C17orf107: variants seen among roughly 807,000 people sequenced by gnomAD.
The protein encoded by C17orf107 is chromosome 17 open reading frame 107, also known as uncharacterized protein C17orf107.
In C17orf107, 9 loss-of-function variants were observed where a neutral mutation model predicts 8.9. That is an observed-to-expected ratio of 1.02 (90% CI 0.61 to 1.77). The LOEUF is 1.77. Ranked by LOEUF, C17orf107 falls within the 40% of genes most tolerant of loss-of-function variation. The pLI is 0.00. For synonymous variants in C17orf107, 139 were observed against 120.3 expected, an observed-to-expected ratio of 1.16 and a Z score of -1.02; for missense variants, 281 against 249.0, an observed-to-expected ratio of 1.13 and a Z score of -0.86.
Position 4,901,235 on chromosome 17 carries a change from C to G in C17orf107, c.*702C>G. 1.9e-6 allele frequency: 3 copies of G among 1,585,268 alleles called. No homozygotes were observed. The highest frequency in any genetic ancestry group is 2.6e-6 in the Non-Finnish European group (3 of 1,169,158). On this transcript the variant is annotated 3_prime_UTR_variant, in exon 3 of 3. Transcript: ENST00000381365. ...TCAGCTGGCTGTCAGAGCGGGGCGC[C>G]CGCCGAGCTGACAGCGGGCTGAAGA... is the stretch of plus-strand genomic sequence containing the variant.
chr17:4,899,627 T>C lies in C17orf107; in HGVS notation c.-136T>C, dbSNP rs1969888486. The C allele has an allele frequency of 6.7e-7, 1 of 1,493,420 alleles. No homozygotes were observed. Among genetic ancestry groups the C allele is most frequent in the Non-Finnish European group, 9.1e-7 (1 of 1,093,982 alleles). The allele number at this position is 1,493,420 out of a possible 1,614,324, so 92.5% of individuals were successfully genotyped here. ...TGACATCACCGTTCCTCCTCCCAGC[T>C]ACCGAAGGCGCCGCGCGCTGACCTC... On this transcript the variant is annotated 5_prime_UTR_variant, in exon 1 of 3. Transcript: ENST00000381365.
chr17:4,900,909 T>C lies in C17orf107; in HGVS notation c.*376T>C, dbSNP rs1320610655. On this transcript the variant is annotated 3_prime_UTR_variant, in exon 3 of 3. Transcript: ENST00000381365. ...AGACCGTGCATTTCTGGCCGCCGGC[T>C]GGAGGGAGAGCCAGTGAGAGCGGGC... 13 of 1,613,942 alleles carry C rather than the reference T, an allele frequency of 8.1e-6. No individual in the cohort carries two copies. The highest frequency in any genetic ancestry group is 1.3e-5 in the African/African-American group (1 of 74,912).
In C17orf107 at chr17:4,901,868, G is replaced by T; in HGVS notation, c.*1335G>T. 1.3e-6 allele frequency: 2 copies of T among 1,556,916 alleles called. No homozygotes were observed. The highest frequency in any genetic ancestry group is 1.8e-6 in the Non-Finnish European group (2 of 1,133,696). ...GCCCCGAGGGCGGTGCTTCCCGGTT[G>T]GCCCCGCCCCATAAGGCCCCCCCCC... On this transcript the variant is annotated 3_prime_UTR_variant, in exon 3 of 3. Coordinates refer to ENST00000381365, the MANE Select transcript of C17orf107 (RefSeq NM_001145536.2).
rs759226183 is a variant in C17orf107, at chr17:4,900,998, G to C, written c.*465G>C. 5 of 1,613,774 alleles carry C rather than the reference G, an allele frequency of 3.1e-6. No individual in the cohort carries two copies. Among genetic ancestry groups the C allele is most frequent in the Non-Finnish European group, 4.2e-6 (5 of 1,179,820 alleles). ...TCGGGGCCACTGCTTACCCTGCGCC[G>C]GCAGGAAGTAGGCGAGCAGCACCAG... On this transcript the variant is annotated 3_prime_UTR_variant, in exon 3 of 3. Transcript: ENST00000381365.
Position 4,900,135 on chromosome 17 carries a change from C to G in C17orf107, c.266C>G (p.Thr89Ser). Residue 89 changes from threonine (T) to serine (S), a missense_variant, in exon 2 of 3, where the codon ACC (threonine) becomes AGC (serine). Transcript: ENST00000381365. The stretch of plus-strand genomic sequence containing the variant: ...GCCAGCCTCGTGAGCTTCGGCACCA[C>G]CTTGTTAGAGGTGGGGTACTGGGGG... Reference protein sequence around the residue: ...ATASLVSFGTTLLEISALWLQ... With the variant: ...ATASLVSFGTSLLEISALWLQ... 1 of 1,550,280 alleles carries G rather than the reference C, an allele frequency of 6.5e-7. No individual in the cohort carries two copies. Among genetic ancestry groups the G allele is most frequent in the Non-Finnish European group, 8.7e-7 (1 of 1,146,776 alleles).
In C17orf107 at chr17:4,902,162, C is replaced by G; in HGVS notation, c.*1629C>G. On this transcript the variant is annotated 3_prime_UTR_variant, in exon 3 of 3. Transcript: ENST00000381365. This position sits in a 1 kb window ranked among gnomAD's most constrained non-coding sequence, Gnocchi z 4.0. ...GAGTACCCCCTTCCCCAACCAAGTC[C>G]AGCCCGCACCCCAGGCCGGCTTCCC... 1 of 1,613,842 alleles carries G rather than the reference C, an allele frequency of 6.2e-7. No homozygotes were observed. The highest frequency in any genetic ancestry group is 8.5e-7 in the Non-Finnish European group (1 of 1,179,764).
Position 4,901,694 on chromosome 17 carries a change from G to A in C17orf107, c.*1161G>A. 1.4e-6 allele frequency: 2 copies of A among 1,478,636 alleles called. No individual in the cohort carries two copies. The highest frequency in any genetic ancestry group is 9.4e-7 in the Non-Finnish European group (1 of 1,062,926). 91.6% of individuals were successfully genotyped at this position (1,478,636 alleles called of 1,614,324 possible). On this transcript the variant is annotated 3_prime_UTR_variant, in exon 3 of 3. Transcript: ENST00000381365. Reference sequence around the variant, plus strand: ...GGGCCCCGGCCTCAGGCCCAGCCCTGGAAGCTGGGATCTAGCGGGGCCGCG... The same window carrying A: ...GGGCCCCGGCCTCAGGCCCAGCCCTAGAAGCTGGGATCTAGCGGGGCCGCG...
downstream of C17orf107, among the ~76,000 whole-genome samples, chr17:4,904,118 A>C (rs1970057385): frequency 6.6e-6 from 1 of 152,132 alleles, no homozygotes. Context: ...GGGCCTCCCA[A>C]AGTGCTGGGA....
Position 4,901,125 on chromosome 17 carries a change from C to T in C17orf107, c.*592C>T, listed in dbSNP as rs1969970796. 1.2e-6 allele frequency: 2 copies of T among 1,612,758 alleles called. No homozygotes were observed. Among genetic ancestry groups the T allele is most frequent in the Non-Finnish European group, 1.7e-6 (2 of 1,179,944 alleles). ...ATGACGTCAGTCTCCCCTGGGCCGT[C>T]GGTGGCGCCACCGTGGTGGCGGCGG... is the stretch of plus-strand genomic sequence containing the variant. On this transcript the variant is annotated 3_prime_UTR_variant, in exon 3 of 3. Coordinates refer to ENST00000381365, the MANE Select transcript of C17orf107 (RefSeq NM_001145536.2).
Position 4,900,149 on chromosome 17 carries a change from G to C in C17orf107, c.276+4G>C. 1 of 1,548,578 alleles carries C rather than the reference G, an allele frequency of 6.5e-7. No homozygotes were observed. Among genetic ancestry groups the C allele is most frequent in the Middle Eastern group, 1.7e-4 (1 of 5,980 alleles). On this transcript the variant is annotated splice_donor_region_variant and intron_variant, in intron 2 of 2. Transcript: ENST00000381365. Reference sequence around the variant, plus strand: ...CTTCGGCACCACCTTGTTAGAGGTGGGGTACTGGGGGGCTTAGGATACGCG... The same window carrying C: ...CTTCGGCACCACCTTGTTAGAGGTGCGGTACTGGGGGGCTTAGGATACGCG...
At position 4,900,456 on chromosome 17, in the gene C17orf107, T is replaced by C; in HGVS notation, c.496T>C (p.Phe166Leu). Residue 166 changes from phenylalanine (F) to leucine (L), a missense_variant, in exon 3 of 3, where the codon TTC becomes CTC. Coordinates refer to ENST00000381365, the MANE Select transcript of C17orf107 (RefSeq NM_001145536.2). ...ACGGGGTCTGCAGGGGTCTGCCTCA[T>C]TCCTGCGACAGTCGCAACAGCAGCT... is the stretch of plus-strand genomic sequence containing the variant. Reference protein sequence around the residue: ...CGRGLQGSASFLRQSQQQLGL... With the variant: ...CGRGLQGSASLLRQSQQQLGL... The C allele has an allele frequency of 1.3e-6, 2 of 1,551,034 alleles. No individual in the cohort carries two copies. The highest frequency in any genetic ancestry group is 1.2e-5 in the South Asian group (1 of 84,060).
chr17:4,899,956 T>G lies in C17orf107; in HGVS notation c.87T>G (p.Leu29=). ...TCCAGGTGGCCCTCCAGCCCCCGCT[T>G]CTGTCTTCCCTGGAACTCTCCGTGG... ...SSTEVALQPP[L]LSSLELSVAA... Residue 29 remains leucine (L), a synonymous_variant, in exon 2 of 3, where the codon CTT becomes CTG. Coordinates refer to ENST00000381365, the MANE Select transcript of C17orf107 (RefSeq NM_001145536.2). 6.4e-7 allele frequency: 1 copy of G among 1,551,132 alleles called. No homozygotes were observed. Among genetic ancestry groups the G allele is most frequent in the East Asian group, 2.4e-5 (1 of 40,908 alleles).
rs781710440 is a variant in C17orf107, at chr17:4,901,590, G to A, written c.*1057G>A. ...CTTGCCGTCGTTGTCTACGGCAAAAGTGAACTCCACCTCTTCGGCATTGTA... is the reference window on the plus strand; with the variant it reads ...CTTGCCGTCGTTGTCTACGGCAAAAATGAACTCCACCTCTTCGGCATTGTA... On this transcript the variant is annotated 3_prime_UTR_variant, in exon 3 of 3. Coordinates refer to ENST00000381365, the MANE Select transcript of C17orf107 (RefSeq NM_001145536.2). 5 of 1,614,172 alleles carry A rather than the reference G, an allele frequency of 3.1e-6. No homozygotes were observed. Among genetic ancestry groups the A allele is most frequent in the Non-Finnish European group, 4.2e-6 (5 of 1,180,022 alleles).
In C17orf107 at chr17:4,901,620, T is replaced by C. The variant is rs148370803; in HGVS notation, c.*1087T>C. 19 of 1,613,902 alleles carry C rather than the reference T, an allele frequency of 1.2e-5. No homozygotes were observed. The East Asian group carries it at 2.0e-4, about 17-fold the overall frequency. ...CTCCACCTCTTCGGCATTGTACGTC[T>C]GAGAGCTGCGGAGCCAGGGCCGGGA... On this transcript the variant is annotated 3_prime_UTR_variant, in exon 3 of 3. Transcript: ENST00000381365.
rs978516236 is a variant in C17orf107 at position 4,901,574 on chromosome 17, G to A, written c.*1041G>A. On this transcript the variant is annotated 3_prime_UTR_variant, in exon 3 of 3. Coordinates refer to ENST00000381365, the MANE Select transcript of C17orf107 (RefSeq NM_001145536.2). ...CGATCTTGTTGATGGTCTTGCCGTC[G>A]TTGTCTACGGCAAAAGTGAACTCCA... is the stretch of plus-strand genomic sequence containing the variant. 17 of 1,614,026 alleles carry A rather than the reference G, an allele frequency of 1.1e-5. No homozygotes were observed. The highest frequency in any genetic ancestry group is 2.2e-5 in the East Asian group (1 of 44,880).
In C17orf107 at chr17:4,901,139, T is replaced by G. The variant is rs376001778; in HGVS notation, c.*606T>G. 6 of 1,611,580 alleles carry G rather than the reference T, an allele frequency of 3.7e-6. No homozygotes were observed. The highest frequency in any genetic ancestry group is 1.6e-4 in the Middle Eastern group (1 of 6,082). On this transcript the variant is annotated 3_prime_UTR_variant, in exon 3 of 3. Transcript: ENST00000381365. ...CCCTGGGCCGTCGGTGGCGCCACCGTGGTGGCGGCGGATCACCCCCGGGCA... is the reference window on the plus strand; with the variant it reads ...CCCTGGGCCGTCGGTGGCGCCACCGGGGTGGCGGCGGATCACCCCCGGGCA...
Position 4,902,835 on chromosome 17 carries a change from C to G in C17orf107, c.*2302C>G. On this transcript the variant is annotated 3_prime_UTR_variant, in exon 3 of 3. Coordinates refer to ENST00000381365, the MANE Select transcript of C17orf107 (RefSeq NM_001145536.2). The surrounding 1 kb of genome is among the most constrained non-coding windows in gnomAD (Gnocchi z 4.0). ...GAGCACCTCTCTCCCCTCTGCCTCC[C>G]CTGGGTCCTCACAGGCCTCTGAGGC... is the stretch of plus-strand genomic sequence containing the variant. 1.9e-6 allele frequency: 3 copies of G among 1,609,210 alleles called. No homozygotes were observed. Among genetic ancestry groups the G allele is most frequent in the Non-Finnish European group, 2.6e-6 (3 of 1,176,236 alleles).
rs1307935892 is a variant in C17orf107, at chr17:4,900,321, G to C, written c.361G>C (p.Ala121Pro). The change falls in exon 3 of 3, where the codon GCG (alanine) becomes CCG (proline). Residue 121 changes from alanine to proline, a missense_variant. Coordinates refer to ENST00000381365, the MANE Select transcript of C17orf107 (RefSeq NM_001145536.2). Reference sequence around the variant, plus strand: ...CCCAGACGGCAGGGATCCGGGTGCAGCGCTGAGCCGGGTAGCCCAAGCCGC... The same window carrying C: ...CCCAGACGGCAGGGATCCGGGTGCACCGCTGAGCCGGGTAGCCCAAGCCGC... ...PAPDGRDPGA[A>P]LSRVAQAAGQ... 1 of 1,545,462 alleles carries C rather than the reference G, an allele frequency of 6.5e-7. No individual in the cohort carries two copies. Among genetic ancestry groups the C allele is most frequent in the South Asian group, 1.2e-5 (1 of 83,922 alleles).
Position 4,902,641 on chromosome 17 carries a change from G to C in C17orf107, c.*2108G>C. On this transcript the variant is annotated 3_prime_UTR_variant, in exon 3 of 3. Transcript: ENST00000381365. The surrounding 1 kb of genome is among the most constrained non-coding windows in gnomAD (Gnocchi z 4.0). ...CTTACCAGTGAGATGAGATTCGTCAGGGTGACCTTGAGGCTGATGGTGACA... is the reference window on the plus strand; with the variant it reads ...CTTACCAGTGAGATGAGATTCGTCACGGTGACCTTGAGGCTGATGGTGACA... 6.2e-7 allele frequency: 1 copy of C among 1,614,072 alleles called. No homozygotes were observed. The highest frequency in any genetic ancestry group is 8.5e-7 in the Non-Finnish European group (1 of 1,179,990).
Sources: gnomAD v4.1 joint callset for allele counts (sites outside exome capture counted in the v4.1 genomes callset) on GRCh38, gnomAD v4.1.1 for gene constraint, Gnocchi (gnomAD v3.1) non-coding constraint, MANE v1.5 for transcripts, NCBI Gene and HGNC (gene_info 2026-07-23, HGNC 2026-07-21) for gene names.